The following AP2A2 variants were observed in gnomAD, a reference collection of about 807,000 sequenced individuals.
The protein encoded by AP2A2 is AP-2 complex subunit alpha-2.
A neutral mutation model predicts 104.2 loss-of-function variants in AP2A2; 32 were observed. The ratio of observed to expected loss-of-function variants is 0.31; its 90% CI spans 0.23 to 0.41. AP2A2 has a LOEUF of 0.41. AP2A2 is among the 10% of genes least tolerant of loss of function. The pLI is 1.00. For synonymous variants in AP2A2, 539 were observed against 533.3 expected, an observed-to-expected ratio of 1.01 and a Z score of -0.15; for missense variants, 912 against 1,261.0, an observed-to-expected ratio of 0.72 and a Z score of 4.19.
intron 1 of AP2A2, among the ~76,000 whole-genome samples, chr11:939,669 C>G (rs1171689921): frequency 6.6e-6 from 1 of 151,704 alleles, no homozygotes; most frequent in Non-Finnish European, 1.5e-5. Context: ...GGTTTTGAAC[C>G]CCTGACCTCA....
At chr11:930,154 A>G (rs565497804) in intron 1 of AP2A2, among the ~76,000 whole-genome samples, 7 of 150,252 alleles carry the variant, frequency 4.7e-5, no homozygotes, top group Admixed American at 6.7e-5. Flanking sequence ...GCCCTGTGCC[A>G]AGTATCTGAG....
chr11:940,957 G>A (rs1002489446), intron 1 of AP2A2: 11 of 455,846 alleles, frequency 2.4e-5, no homozygotes, highest in Admixed American at 9.4e-5. Flanking sequence ...CTCACCCCTC[G>A]GGGAGTCTGT....
chr11:1,008,476 G>A (rs1856286821), intron 18 of AP2A2: 2 of 261,904 alleles, frequency 7.6e-6, no homozygotes, highest in South Asian at 1.9e-4. Flanking sequence ...GCTGTGGGGT[G>A]CAGGCAGCTG....
intron 2 of AP2A2, among the ~76,000 whole-genome samples, chr11:959,883 G>A (rs1023838206): frequency 6.6e-6 from 1 of 152,210 alleles, no homozygotes; most frequent in Non-Finnish European, 1.5e-5. Flanking sequence ...TGCGCTCGGT[G>A]GACTGCCTCT....
chr11:927,250 TGG>T (rs34339546), intron 1 of AP2A2, among the ~76,000 whole-genome samples: 1 of 151,508 alleles, frequency 6.6e-6, no homozygotes, highest in African/African-American at 2.4e-5. Context: ...TTTGTAGAGA[TGG>T]GGGGGTCTCG....
At chr11:965,587 C>G (rs1229238908) in intron 2 of AP2A2, among the ~76,000 whole-genome samples, 1 of 152,200 alleles carries the variant, frequency 6.6e-6, no homozygotes, top group East Asian at 1.9e-4. Context: ...CCTACCTCTG[C>G]TATGGTAAGG....
At chr11:958,180 C>A (rs1475231805) in intron 1 of AP2A2, among the ~76,000 whole-genome samples, 1 of 152,160 alleles carries the variant, frequency 6.6e-6, no homozygotes, top group African/African-American at 2.4e-5. Flanking sequence ...AGAGCGTGCT[C>A]GCTTCATAAG....
intron 16 of AP2A2, among the ~76,000 whole-genome samples, chr11:1,004,470 A>G (rs2133780402): frequency 6.9e-6 from 1 of 145,890 alleles, no homozygotes; most frequent in African/African-American, 2.6e-5. Context: ...GAGACTCTGT[A>G]AATAAATAAA....
In AP2A2 at chr11:940,736, C is replaced by G. The variant is rs1184499349; in HGVS notation, c.67+14648C>G. ...CATGCTGTGAGGTTCTGAGCTCTCA[C>G]TTTGTGCTTGGTGGCTGGTGGCTGT... On this transcript the variant is annotated intron_variant, in intron 1 of 21. Transcript: ENST00000448903. The G allele has an allele frequency of 6.7e-6, 3 of 448,260 alleles. No individual in the cohort carries two copies. The Admixed American group carries it at 7.2e-5, about 11-fold the overall frequency. The allele number at this position is 448,260 out of a possible 1,614,324, so 27.8% of individuals were successfully genotyped here.
rs977654572 is a variant in AP2A2 at position 992,767 on chromosome 11, G to A, written c.1452+82G>A. On this transcript the variant is annotated intron_variant, in intron 11 of 21. Transcript: ENST00000448903. This position sits in a 1 kb window ranked among gnomAD's most constrained non-coding sequence, Gnocchi z 6.4. ...CAGTGAGTGGTTCCAGCCTGCCTGC[G>A]TGGAGGTGCCGAGGGCCGTTGCTGA... 40 of 1,520,806 alleles carry A rather than the reference G, an allele frequency of 2.6e-5. 1 individual carries two copies. In the Admixed American group the frequency reaches 3.3e-4, roughly 13 times the overall value. The allele number at this position is 1,520,806 out of a possible 1,614,324, so 94.2% of individuals were successfully genotyped here.
intron 1 of AP2A2, among the ~76,000 whole-genome samples, chr11:939,772 T>C (rs1435667808): frequency 6.6e-6 from 1 of 151,928 alleles, no homozygotes; most frequent in Non-Finnish European, 1.5e-5. Context: ...CTCTAGAAGA[T>C]GAGTCTTTTA....
At chr11:945,677 A>G (rs955725151) in intron 1 of AP2A2, among the ~76,000 whole-genome samples, 3 of 151,746 alleles carry the variant, frequency 2.0e-5, no homozygotes, top group African/African-American at 7.3e-5. Context: ...GAGGCCAGGC[A>G]TGGTGGCTGA....
rs78209361 is a variant in AP2A2, at chr11:968,986, C to T, written c.137-1183C>T. 1.3e-4 allele frequency among the ~76,000 whole-genome samples: 20 copies of T among 152,222 alleles called. No individual in the cohort carries two copies. In the East Asian group the frequency reaches 1.7e-3, roughly 13 times the overall value. On this transcript the variant is annotated intron_variant, in intron 2 of 21. Coordinates refer to ENST00000448903, the MANE Select transcript of AP2A2 (RefSeq NM_012305.4). This position sits in a 1 kb window ranked among gnomAD's most constrained non-coding sequence, Gnocchi z 4.2. ...TGTATTCTACACAGTTGAGGTCGTCCGTGGAGGTGTGAGCGCCCCAGCCCT... is the reference window on the plus strand; with the variant it reads ...TGTATTCTACACAGTTGAGGTCGTCTGTGGAGGTGTGAGCGCCCCAGCCCT...
At chr11:934,796 T>C (rs1484138703) in intron 1 of AP2A2, among the ~76,000 whole-genome samples, 1 of 152,158 alleles carries the variant, frequency 6.6e-6, no homozygotes, top group East Asian at 1.9e-4. Context: ...GTTTTGCTTT[T>C]TCTGTGGACC....
intron 10 of AP2A2, among the ~76,000 whole-genome samples, chr11:989,333 CA>C (rs201393139): frequency 2.8e-4 from 39 of 141,386 alleles, no homozygotes; most frequent in African/African-American, 5.5e-4. Context: ...AACTCTGTCT[CA>C]AAAAAAAAAA....
At chr11:954,660 G>A (rs1481736094) in intron 1 of AP2A2, among the ~76,000 whole-genome samples, 1 of 151,940 alleles carries the variant, frequency 6.6e-6, no homozygotes, top group East Asian at 1.9e-4. Context: ...GTATATATGT[G>A]TATTTGTGTT....
chr11:970,408 C>G, intron 3 of AP2A2, 97 bp downstream of exon 3: 1 of 1,489,222 alleles, frequency 6.7e-7, no homozygotes, highest in South Asian at 1.3e-5. Flanking sequence ...CTTCTCTGCC[C>G]ACAGCTGACG....
chr11:1,007,377 A>G (rs1271642793), intron 17 of AP2A2: 1 of 154,256 alleles, frequency 6.5e-6, no homozygotes, highest in Non-Finnish European at 1.4e-5. Flanking sequence ...TCTGGAGTGG[A>G]AGCTCTGACT....
rs1854694196 is a variant in AP2A2 at position 968,388 on chromosome 11, G to A, written c.137-1781G>A. Among the ~76,000 whole-genome samples, 1 of 152,102 alleles carries A rather than the reference G, an allele frequency of 6.6e-6. No homozygotes were observed. Among genetic ancestry groups the A allele is most frequent in the African/African-American group, 2.4e-5 (1 of 41,416 alleles). Reference sequence around the variant, plus strand: ...TGGGGTCCCGCGGGAGCAGAGGCTGGTCGGCTCCTCTCGGAGAGAGCCTGT... The same window carrying A: ...TGGGGTCCCGCGGGAGCAGAGGCTGATCGGCTCCTCTCGGAGAGAGCCTGT... On this transcript the variant is annotated intron_variant, in intron 2 of 21. Transcript: ENST00000448903. This position sits in a 1 kb window ranked among gnomAD's most constrained non-coding sequence, Gnocchi z 4.2.
Sources: gnomAD v4.1 joint callset for allele counts (sites outside exome capture counted in the v4.1 genomes callset) on GRCh38, gnomAD v4.1.1 for gene constraint, Gnocchi (gnomAD v3.1) non-coding constraint, MANE v1.5 for transcripts, NCBI Gene and HGNC (gene_info 2026-07-23, HGNC 2026-07-21) for gene names.